ARHGAP19: variants seen among roughly 807,000 people sequenced by gnomAD.
ARHGAP19 encodes rho GTPase-activating protein 19.
A neutral mutation model predicts 60.9 loss-of-function variants in ARHGAP19; 48 were observed. The observed-to-expected ratio is 0.79, with a 90% CI of 0.62 to 1.00. ARHGAP19 has a LOEUF of 1.00. Among genes scored for constraint, ARHGAP19 ranks in the 50% least tolerant of loss-of-function variants. The probability of loss-of-function intolerance (pLI) is 0.00; values close to 1 mark genes in which losing one functional copy is unlikely to be tolerated. For synonymous variants in ARHGAP19, 209 were observed against 215.5 expected, an observed-to-expected ratio of 0.97 and a Z score of 0.27; for missense variants, 562 against 597.2, an observed-to-expected ratio of 0.94 and a Z score of 0.61.
intron 1 of ARHGAP19, among the ~76,000 whole-genome samples, chr10:97,282,014 G>T (rs1843091500): frequency 6.6e-6 from 1 of 152,160 alleles, no homozygotes; most frequent in African/African-American, 2.4e-5. Context: ...GACATCTGCT[G>T]CTTTTGAATT....
In ARHGAP19 at chr10:97,229,477, C is replaced by T. The variant is rs144689406; in HGVS notation, c.1396-252G>A. Among the ~76,000 whole-genome samples the T allele has an allele frequency of 1.4e-3, 218 of 152,178 alleles. 2 individuals are homozygous for T. The highest frequency in any genetic ancestry group is 5.1e-3 in the African/African-American group (210 of 41,516). On this transcript the variant is annotated intron_variant, in intron 10 of 11. Coordinates refer to ENST00000358531, the MANE Select transcript of ARHGAP19 (RefSeq NM_032900.6). ...CTGGCTCAAATGTCACCTGTGGAAT[C>T]TTCCAGTAAGAACTAATTGCTTCCT...
At chr10:97,236,338 C>T (rs1253403) in intron 8 of ARHGAP19, among the ~76,000 whole-genome samples, 142,825 of 152,172 alleles carry the variant, frequency 0.94, 67,673 homozygotes, top group East Asian at 1. Context: ...GGGAATTTTA[C>T]CAGTTCAAGT....
At chr10:97,271,342 T>G (rs1172445107) in intron 1 of ARHGAP19, among the ~76,000 whole-genome samples, 1 of 151,738 alleles carries the variant, frequency 6.6e-6, no homozygotes, top group African/African-American at 2.4e-5. Flanking sequence ...AATAAATAAA[T>G]AGATAAATAA....
intron 6 of ARHGAP19, among the ~76,000 whole-genome samples, chr10:97,251,330 AAG>A (rs1842652132): frequency 3.5e-5 from 1 of 28,358 alleles, no homozygotes; most frequent in African/African-American, 1.5e-4. Context: ...GGGAAGGGGA[AAG>A]GGAAAGGAAG....
At chr10:97,240,843 G>A (rs1842467611) in intron 8 of ARHGAP19, among the ~76,000 whole-genome samples, 2 of 152,172 alleles carry the variant, frequency 1.3e-5, no homozygotes, top group South Asian at 4.1e-4. Flanking sequence ...ATATATTCAT[G>A]GAGAGAAACA....
intron 1 of ARHGAP19, among the ~76,000 whole-genome samples, chr10:97,285,591 G>A (rs567713926): frequency 1.1e-4 from 15 of 142,822 alleles, no homozygotes; most frequent in African/African-American, 2.4e-4. Context: ...GCACAATCTC[G>A]GCTCACTGCA....
intron 4 of ARHGAP19, among the ~76,000 whole-genome samples, chr10:97,259,850 T>TTTTGTTTTGTTTTGTTTTG: frequency 3.4e-5 from 1 of 29,706 alleles, no homozygotes; most frequent in East Asian, 1.4e-3. Context: ...GTTTTGTTTT[T>TTTTGTTTTGTTTTGTTTTG]TTTGAGACAA....
intron 1 of ARHGAP19, among the ~76,000 whole-genome samples, chr10:97,280,857 T>C (rs1316306128): frequency 3.3e-5 from 5 of 152,156 alleles, no homozygotes; most frequent in African/African-American, 4.8e-5. Flanking sequence ...AGTGCTGGCA[T>C]TAGGCATGAG....
chr10:97,290,924 T>C (rs974411964), intron 1 of ARHGAP19, among the ~76,000 whole-genome samples: 1 of 152,066 alleles, frequency 6.6e-6, no homozygotes, highest in Non-Finnish European at 1.5e-5. Context: ...TGGGTTTTCC[T>C]GTTGAGAAGG....
chr10:97,268,068 T>C (rs1249436979), intron 1 of ARHGAP19, among the ~76,000 whole-genome samples: 1 of 143,548 alleles, frequency 7.0e-6, no homozygotes, highest in Non-Finnish European at 1.6e-5. Flanking sequence ...TTTTTCAAAC[T>C]TTTATGCTCT....
chr10:97,265,241 C>T (rs912354385), intron 2 of ARHGAP19: 1 of 205,290 alleles, frequency 4.9e-6, no homozygotes, highest in Admixed American at 5.7e-5. Context: ...GTGGCTCACA[C>T]CTGTAATCCC....
At chr10:97,251,336 AAGGAAG>A (rs1842652521) in intron 6 of ARHGAP19, among the ~76,000 whole-genome samples, 1 of 31,944 alleles carries the variant, frequency 3.1e-5, no homozygotes. Context: ...GGGAAAGGGA[AAGGAAG>A]GGGGAGGGAA....
At chr10:97,288,970 A>C (rs921014270) in intron 1 of ARHGAP19, among the ~76,000 whole-genome samples, 1 of 151,058 alleles carries the variant, frequency 6.6e-6, no homozygotes, top group African/African-American at 2.4e-5. Flanking sequence ...GCATGCCACC[A>C]TGCCTGGTTA....
chr10:97,249,971 A>T (rs898363859), intron 6 of ARHGAP19, among the ~76,000 whole-genome samples: 26 of 151,934 alleles, frequency 1.7e-4, no homozygotes, highest in Non-Finnish European at 3.5e-4. Flanking sequence ...TTTTTAGTAG[A>T]GACGGGGTTT....
chr10:97,224,900 C>T lies in ARHGAP19; in HGVS notation c.*1222G>A, dbSNP rs756228119. On this transcript the variant is annotated 3_prime_UTR_variant, in exon 12 of 12. Coordinates refer to ENST00000358531, the MANE Select transcript of ARHGAP19 (RefSeq NM_032900.6). Reference sequence around the variant, plus strand: ...CTCTGGCCCCATCTCCAAATTACCACCTGTGTCCCTTCTGACAAAGAGAGG... The same window carrying T: ...CTCTGGCCCCATCTCCAAATTACCATCTGTGTCCCTTCTGACAAAGAGAGG... 7 of 152,442 alleles carry T rather than the reference C, an allele frequency of 4.6e-5. No homozygotes were observed. Among genetic ancestry groups the T allele is most frequent in the Non-Finnish European group, 8.8e-5 (6 of 68,200 alleles). 9.4% of individuals were successfully genotyped at this position (152,442 alleles called of 1,614,324 possible). A position where few individuals can be genotyped will look rare whatever the true frequency, so the allele number is the denominator to read the frequency against.
intron 1 of ARHGAP19, among the ~76,000 whole-genome samples, chr10:97,273,935 C>A (rs1842991851): frequency 6.6e-6 from 1 of 151,510 alleles, no homozygotes; most frequent in Non-Finnish European, 1.5e-5. Context: ...CTAAATCTCA[C>A]AAATGAAAAG....
rs781138705 is a variant in ARHGAP19, at chr10:97,224,689, G to A, written c.*1433C>T. 6.6e-6 allele frequency: 1 copy of A among 152,264 alleles called. No individual in the cohort carries two copies. The highest frequency in any genetic ancestry group is 1.5e-5 in the Non-Finnish European group (1 of 68,078). 9.4% of individuals were successfully genotyped at this position (152,264 alleles called of 1,614,324 possible). A position where few individuals can be genotyped will look rare whatever the true frequency, so the allele number is the denominator to read the frequency against. On this transcript the variant is annotated 3_prime_UTR_variant, in exon 12 of 12. Coordinates refer to ENST00000358531, the MANE Select transcript of ARHGAP19 (RefSeq NM_032900.6). ...TTTGTGGGGCAACTGCTTCCCCATA[G>A]TGGCCTGACTCGGCTCCAACCCACA...
intron 6 of ARHGAP19, among the ~76,000 whole-genome samples, chr10:97,253,566 C>T (rs137987136): frequency 1.3e-5 from 2 of 152,178 alleles, no homozygotes; most frequent in East Asian, 3.9e-4. Context: ...TATGTTCTAA[C>T]ACTTAATAGC....
chr10:97,245,065 T>C (rs1469250348), intron 7 of ARHGAP19, among the ~76,000 whole-genome samples: 3 of 152,036 alleles, frequency 2.0e-5, no homozygotes, highest in African/African-American at 7.2e-5. Context: ...GAGTACAGTG[T>C]CACCATCTTG....
Sources: allele counts gnomAD v4.1 joint callset (sites outside exome capture counted in the v4.1 genomes callset), GRCh38; gene constraint gnomAD v4.1.1; transcripts MANE v1.5; gene names NCBI Gene and HGNC (gene_info 2026-07-23, HGNC 2026-07-21).